Variants in ZNF69 observed in about 807,000 individuals in gnomAD.
The protein encoded by ZNF69 is ZNF3.
In ZNF69, 47 loss-of-function variants were observed where a neutral mutation model predicts 50.9. The observed-to-expected ratio is 0.92, with a 90% CI of 0.73 to 1.18. The LOEUF (loss-of-function observed/expected upper bound fraction) is 1.18. ZNF69 is among the 50% of genes most tolerant of loss of function. The pLI, the probability that ZNF69 is intolerant of heterozygous loss-of-function variation, is 0.00. For missense variants in ZNF69, 717 were observed against 675.1 expected (o/e 1.06, Z -0.69); for synonymous variants, 216 against 223.1 (o/e 0.97, Z 0.29).
chr19:11,915,861 G>A (rs7250695), downstream of ZNF69, among the ~76,000 whole-genome samples: 79 of 152,194 alleles, frequency 5.2e-4, no homozygotes, highest in African/African-American at 1.9e-3. Context: ...CTGAGATCGC[G>A]CCATTGCACT....
the ZNF69 span, among the ~76,000 whole-genome samples, chr19:11,940,672 C>T: frequency 3.3e-5 from 5 of 152,102 alleles, no homozygotes; most frequent in Admixed American, 3.3e-4. Flanking sequence ...TGGAAGGGGA[C>T]CCGAGTGGGT....
At chr19:11,918,013 T>G (rs1307044214), downstream of ZNF69, among the ~76,000 whole-genome samples, 1 of 152,022 alleles carries the variant, frequency 6.6e-6, no homozygotes, top group Non-Finnish European at 1.5e-5. Flanking sequence ...CTCGAACTCC[T>G]GACCTCAGGT....
At chr19:11,911,381 T>C (rs1410524401), downstream of ZNF69, among the ~76,000 whole-genome samples, 1 of 152,230 alleles carries the variant, frequency 6.6e-6, no homozygotes, top group African/African-American at 2.4e-5. Context: ...CACGTATGTT[T>C]ATTGTGGCAC....
the ZNF69 span, among the ~76,000 whole-genome samples, chr19:11,971,792 G>C: frequency 6.6e-6 from 1 of 152,072 alleles, no homozygotes; most frequent in East Asian, 1.9e-4. Flanking sequence ...GGCCGGGCGC[G>C]GTGGCTCACG....
the ZNF69 span, chr19:11,965,329 C>T: frequency 1.1e-5 from 15 of 1,401,088 alleles, no homozygotes; most frequent in South Asian, 1.7e-4. Flanking sequence ...GGGACCGAGT[C>T]CTCCTGGAGC....
At position 11,905,876 on chromosome 19, in the gene ZNF69, G is replaced by A. The variant is rs756623291; in HGVS notation, c.1479G>A (p.Leu493=). The A allele has an allele frequency of 6.2e-6, 10 of 1,611,520 alleles. No individual in the cohort carries two copies. The East Asian group carries it at 1.1e-4, about 18-fold the overall frequency. The change falls in exon 4 of 4, where the codon TTG becomes TTA. Residue 493 remains leucine (L), a synonymous_variant. Coordinates refer to ENST00000429654, the MANE Select transcript of ZNF69 (RefSeq NM_001364730.1). The stretch of plus-strand genomic sequence containing the variant: ...AAGGCTTTTATTGTCCCAAATCATT[G>A]CAAAGACATGAAAAAACTCACACTG... The part of the protein sequence containing the change: ...CGKGFYCPKS[L]QRHEKTHTGE...
the ZNF69 span, among the ~76,000 whole-genome samples, chr19:11,974,852 C>G: frequency 5.3e-5 from 8 of 152,216 alleles, no homozygotes; most frequent in Admixed American, 5.2e-4. Context: ...ATACGCCTGC[C>G]TTGGCCTTGC....
At chr19:11,954,703 A>G in the ZNF69 span, among the ~76,000 whole-genome samples, 1 of 152,136 alleles carries the variant, frequency 6.6e-6, no homozygotes, top group Non-Finnish European at 1.5e-5. Flanking sequence ...GTGGTGGCAC[A>G]TACCATATCC....
chr19:11,948,754 C>T, the ZNF69 span: 1 of 1,611,892 alleles, frequency 6.2e-7, no homozygotes, highest in Non-Finnish European at 8.5e-7. Context: ...TGAAAGAACT[C>T]ACACTGGAGA....
the ZNF69 span, among the ~76,000 whole-genome samples, chr19:11,974,612 CG>C: frequency 1.7e-5 from 1 of 58,668 alleles, no homozygotes; most frequent in Non-Finnish European, 3.3e-5. Flanking sequence ...TTTTTTTGGG[CG>C]GGGGGGTGGG....
chr19:11,978,771 C>T, the ZNF69 span: 1 of 1,613,958 alleles, frequency 6.2e-7, no homozygotes, highest in Non-Finnish European at 8.5e-7. Context: ...TGGGGGAAAG[C>T]CATATGAATG....
At chr19:11,975,291 G>A in the ZNF69 span, among the ~76,000 whole-genome samples, 2 of 151,666 alleles carry the variant, frequency 1.3e-5, no homozygotes, top group African/African-American at 4.8e-5. Context: ...GGCTGGTCTC[G>A]AACTCCCAAC....
rs1599357671 is a variant in ZNF69, at chr19:11,904,715, G to T, written c.318G>T (p.Gln106His). 6.2e-7 allele frequency: 1 copy of T among 1,613,946 alleles called. No individual in the cohort carries two copies. The highest frequency in any genetic ancestry group is 1.1e-5 in the South Asian group (1 of 91,066). ...GTCATTGTGGAGAAACTTTTACCCA[G>T]GTTCCAGATGACAGGCTGAACTTCC... ...DDSHCGETFT[Q>H]VPDDRLNFQE... Residue 106 changes from glutamine to histidine, a missense_variant, in exon 4 of 4, where the codon CAG becomes CAT. Physicochemically the swap from Gln to His is conservative, Grantham distance 24. Transcript: ENST00000429654.
downstream of ZNF69, among the ~76,000 whole-genome samples, chr19:11,909,458 A>G (rs1413891900): frequency 6.6e-6 from 1 of 152,210 alleles, no homozygotes; most frequent in African/African-American, 2.4e-5. Context: ...CACATCAAAA[A>G]GCTTATCCAC....
At chr19:11,947,385 T>A in the ZNF69 span, 2 of 1,607,966 alleles carry the variant, frequency 1.2e-6, no homozygotes, top group Non-Finnish European at 1.7e-6. Flanking sequence ...TGAGTGATTT[T>A]GAACATAGAC....
the ZNF69 span, among the ~76,000 whole-genome samples, chr19:11,925,641 G>A: frequency 2.0e-5 from 3 of 152,332 alleles, no homozygotes; most frequent in South Asian, 6.2e-4. Flanking sequence ...TGGTCTGTGG[G>A]GCCCCCAGTC....
the ZNF69 span, chr19:11,965,136 T>C: frequency 2.5e-6 from 4 of 1,607,140 alleles, no homozygotes; most frequent in Non-Finnish European, 3.4e-6. Context: ...TCTATCGCTC[T>C]GTCTCCTGCG....
the ZNF69 span, among the ~76,000 whole-genome samples, chr19:11,921,215 C>A: frequency 1.3e-5 from 2 of 152,032 alleles, no homozygotes; most frequent in African/African-American, 4.8e-5. Flanking sequence ...GCTCTGTTTC[C>A]CAGGCTAGAG....
At chr19:11,940,036 A>G in the ZNF69 span, 2 of 151,328 alleles carry the variant, frequency 1.3e-5, no homozygotes, top group African/African-American at 2.4e-5. Flanking sequence ...GGTTCAAGCA[A>G]TTCTCCTGTC....
Sources: gnomAD v4.1 joint callset for allele counts (sites outside exome capture counted in the v4.1 genomes callset) on GRCh38, gnomAD v4.1.1 for gene constraint, MANE v1.5 for transcripts, NCBI Gene and HGNC (gene_info 2026-07-23, HGNC 2026-07-21) for gene names.